ATP11C: variants seen among roughly 807,000 people sequenced by gnomAD.
ATP11C encodes the protein phospholipid-transporting ATPase IG.
A neutral mutation model predicts 97.4 loss-of-function variants in ATP11C; 36 were observed. The ratio of observed to expected loss-of-function variants is 0.37; its 90% confidence interval spans 0.28 to 0.49. ATP11C has a LOEUF of 0.49. Among genes scored for constraint, ATP11C ranks in the 20% least tolerant of loss-of-function variants. ATP11C has a pLI of 0.98. For missense variants in ATP11C, 730 were observed against 824.6 expected (o/e 0.89, Z 1.40); for synonymous variants, 275 against 290.9 (o/e 0.95, Z 0.56).
intron 2 of ATP11C, among the ~76,000 whole-genome samples, chrX:139,821,339 A>G (rs2083405036): frequency 8.9e-6 from 1 of 112,237 alleles, no homozygotes; most frequent in African/African-American, 3.2e-5. Flanking sequence ...GACCAAAAAT[A>G]GAAGCCACTC....
chrX:139,750,003 T>C, intron 24 of ATP11C, 22 bp downstream of exon 24: 1 of 1,182,186 alleles, frequency 8.5e-7, no homozygotes, highest in Non-Finnish European at 1.1e-6. Context: ...CTTAGGGGGT[T>C]TTAACTATAT....
rs867473071 is a variant in ATP11C at position 139,837,101 on chromosome X, C to A, written c.28-10278G>T. ...TGGATACATTCAAAACGCATGACTT[C>A]ACAAAAACACCACTCACACTAAAGG... On this transcript the variant is annotated intron_variant, in intron 1 of 29. Coordinates refer to ENST00000682941, the MANE Select transcript of ATP11C (RefSeq NM_001353812.2). 2.2e-4 allele frequency among the ~76,000 whole-genome samples: 25 copies of A among 111,435 alleles called. No homozygotes were observed. In the Middle Eastern group the frequency reaches 0.014, roughly 63 times the overall value.
rs185389406 is a variant in ATP11C at position 139,852,883 on chromosome X, C to T, written c.28-26060G>A. Among the ~76,000 whole-genome samples, 36 of 111,340 alleles carry T rather than the reference C, an allele frequency of 3.2e-4. 1 individual carries two copies. Among genetic ancestry groups the T allele is most frequent in the Non-Finnish European group, 5.9e-4 (31 of 52,950 alleles). On this transcript the variant is annotated intron_variant, in intron 1 of 29. Transcript: ENST00000682941. ...AAAAGGGGGGAAACAGGTCAACCTC[C>T]CAGGACAAGCAAGGCAAAATACTCC...
At chrX:139,791,949 A>G (rs1309074367) in intron 12 of ATP11C, among the ~76,000 whole-genome samples, 1 of 111,007 alleles carries the variant, frequency 9.0e-6, no homozygotes, top group Non-Finnish European at 1.9e-5. Flanking sequence ...TAAAGCTCCT[A>G]AAGCCTTAGT....
chrX:139,826,191 T>C (rs1212670404), intron 2 of ATP11C, among the ~76,000 whole-genome samples: 3 of 111,024 alleles, frequency 2.7e-5, no homozygotes, highest in Non-Finnish European at 3.8e-5. Flanking sequence ...GCTGAAGCAG[T>C]GTACTGAGCA....
chrX:139,916,171 G>C (rs1268387505), intron 1 of ATP11C, among the ~76,000 whole-genome samples: 1 of 105,699 alleles, frequency 9.5e-6, no homozygotes, highest in Non-Finnish European at 1.9e-5. Flanking sequence ...AGAGGTTGCA[G>C]TGAGCCGAGA....
At chrX:139,819,532 G>C (rs1200776976) in intron 2 of ATP11C, 105 bp from the exon 3 acceptor site, 3 of 333,587 alleles carry the variant, frequency 9.0e-6, no homozygotes, top group Non-Finnish European at 1.6e-5. Context: ...GTGATATTTA[G>C]TATGTCCAAC....
At chrX:139,922,223 AATATATATATATATATATATATATATAT>A (rs201394639) in intron 1 of ATP11C, among the ~76,000 whole-genome samples, 2,328 of 43,739 alleles carry the variant, frequency 0.053, 110 homozygotes, top group East Asian at 0.26. Context: ...TCCTTCTCTA[AATATATATATATATATATATATATATAT>A]ATATATATAT....
intron 28 of ATP11C, among the ~76,000 whole-genome samples, chrX:139,733,530 TTTC>T (rs1213064338): frequency 8.9e-6 from 1 of 112,718 alleles, no homozygotes; most frequent in Non-Finnish European, 1.9e-5. Context: ...AACTACATTT[TTTC>T]TTGTTTTTAC....
At position 139,817,380 on chromosome X, in the gene ATP11C, C is replaced by T. The variant is rs777385067; in HGVS notation, c.238-437G>A. On this transcript the variant is annotated intron_variant, in intron 3 of 29. Coordinates refer to ENST00000682941, the MANE Select transcript of ATP11C (RefSeq NM_001353812.2). ...GAAGGGTAAACAGGAGTTAACTAGA[C>T]GAAAGGTAGTTTTCTAGGCACAGTG... 2.0e-3 allele frequency among the ~76,000 whole-genome samples: 224 copies of T among 111,997 alleles called. 1 individual carries two copies. Among genetic ancestry groups the T allele is most frequent in the African/African-American group, 7.0e-3 (215 of 30,815 alleles).
At chrX:139,832,638 GTTGAA>G (rs1490356124) in intron 1 of ATP11C, among the ~76,000 whole-genome samples, 1 of 112,332 alleles carries the variant, frequency 8.9e-6, no homozygotes, top group Non-Finnish European at 1.9e-5. Flanking sequence ...TCGGAGGAAA[GTTGAA>G]TTGAACTTTT....
At chrX:139,735,537 T>G (rs2081425431) in intron 28 of ATP11C, among the ~76,000 whole-genome samples, 1 of 111,738 alleles carries the variant, frequency 8.9e-6, no homozygotes, top group Admixed American at 9.5e-5. Flanking sequence ...CAGAACAAAG[T>G]AGGAAATCAC....
intron 15 of ATP11C, among the ~76,000 whole-genome samples, chrX:139,786,474 T>C (rs1025699507): frequency 3.9e-4 from 43 of 109,976 alleles, no homozygotes; most frequent in Non-Finnish European, 1.1e-4. Context: ...TCTGGGCTTC[T>C]ATGAATCTCT....
chrX:139,884,593 G>T (rs1485925943), intron 1 of ATP11C, among the ~76,000 whole-genome samples: 1 of 111,918 alleles, frequency 8.9e-6, no homozygotes, highest in African/African-American at 3.2e-5. Flanking sequence ...AAAGTGCTGG[G>T]ATTACAAGCG....
rs768331814 is a variant in ATP11C, at chrX:139,902,874, G to A, written c.27+29142C>T. Among the ~76,000 whole-genome samples the A allele has an allele frequency of 3.6e-5, 4 of 111,812 alleles. No individual in the cohort carries two copies. The East Asian group carries it at 1.1e-3, about 31-fold the overall frequency. ...AAGTTAGTGTACCAACGGAGAGAAG[G>A]AGAAATACTAGCTGAAATTAAAGAA... On this transcript the variant is annotated intron_variant, in intron 1 of 29. Coordinates refer to ENST00000682941, the MANE Select transcript of ATP11C (RefSeq NM_001353812.2).
chrX:139,807,519 T>C, intron 5 of ATP11C, among the ~76,000 whole-genome samples: 2 of 111,106 alleles, frequency 1.8e-5, no homozygotes, highest in Middle Eastern at 9.2e-3. Context: ...TGCCCAAAAT[T>C]CAATTAAAAA....
At chrX:139,730,586 G>A (rs1015766395) in intron 29 of ATP11C, among the ~76,000 whole-genome samples, 2 of 111,021 alleles carry the variant, frequency 1.8e-5, no homozygotes, top group African/African-American at 6.5e-5. Context: ...TTGCTAGAGG[G>A]TGGCAGAGTT....
At chrX:139,782,868 T>C (rs1174102812) in intron 17 of ATP11C, 140 bp from the exon 18 acceptor site, 2 of 446,436 alleles carry the variant, frequency 4.5e-6, no homozygotes, top group African/African-American at 2.6e-5. Context: ...ATGAAGAAAT[T>C]ACAACTGAAA....
chrX:139,847,848 C>T (rs1257413275), intron 1 of ATP11C, among the ~76,000 whole-genome samples: 1 of 111,251 alleles, frequency 9.0e-6, no homozygotes, highest in Non-Finnish European at 1.9e-5. Flanking sequence ...CCCTGTGAAC[C>T]TCTTAACTAT....
Sources: gnomAD v4.1 joint callset for allele counts (sites outside exome capture counted in the v4.1 genomes callset) on GRCh38, gnomAD v4.1.1 for gene constraint, MANE v1.5 for transcripts, NCBI Gene and HGNC (gene_info 2026-07-23, HGNC 2026-07-21) for gene names.